GTF2B: variants seen among roughly 807,000 people sequenced by gnomAD.
GTF2B encodes the protein transcription initiation factor IIB.
Under a neutral mutation model 34.6 loss-of-function variants are expected in GTF2B, and 20 were observed. That is an observed-to-expected ratio of 0.58 (90% confidence interval 0.41 to 0.84). GTF2B has a LOEUF of 0.84. Among genes scored for constraint, GTF2B ranks in the 40% least tolerant of loss-of-function variants. The pLI, the probability that GTF2B is intolerant of heterozygous loss-of-function variation, is 0.00. For missense variants in GTF2B, 237 were observed against 393.3 expected (o/e 0.60, Z 3.36); for synonymous variants, 142 against 132.4 (o/e 1.07, Z -0.50).
At chr1:88,876,381 A>T (rs1673816324) in intron 2 of GTF2B, among the ~76,000 whole-genome samples, 1 of 152,208 alleles carries the variant, frequency 6.6e-6, no homozygotes, top group Non-Finnish European at 1.5e-5. Context: ...AAGGTTAAAA[A>T]AAAACAAGGG....
At chr1:88,881,527 C>T (rs997018202) in intron 2 of GTF2B, among the ~76,000 whole-genome samples, 1 of 152,214 alleles carries the variant, frequency 6.6e-6, no homozygotes, top group South Asian at 2.1e-4. Flanking sequence ...ACTTAATTTG[C>T]TTGATGATAG....
intron 5 of GTF2B, among the ~76,000 whole-genome samples, chr1:88,858,096 C>A (rs1468165878): frequency 6.6e-6 from 1 of 151,928 alleles, no homozygotes; most frequent in Non-Finnish European, 1.5e-5. Flanking sequence ...ACCTCTGCCC[C>A]CTGGGTTCAA....
At chr1:88,872,670 A>C (rs1673724698) in intron 2 of GTF2B, among the ~76,000 whole-genome samples, 1 of 152,068 alleles carries the variant, frequency 6.6e-6, no homozygotes, top group Non-Finnish European at 1.5e-5. Context: ...CACAATGGGT[A>C]CCTTGTCTTA....
rs954167351 is a variant in GTF2B at position 88,872,229 on chromosome 1, G to A, written c.125-8115C>T. On this transcript the variant is annotated intron_variant, in intron 2 of 6. Transcript: ENST00000370500. The stretch of plus-strand genomic sequence containing the variant: ...AGCACTTTGGGAGGCCAAGGTGGGC[G>A]GATCACCTGAGGTCAAGAGTTTGAG... 4.0e-5 allele frequency among the ~76,000 whole-genome samples: 6 copies of A among 151,706 alleles called. No homozygotes were observed. The South Asian group carries it at 8.3e-4, about 21-fold the overall frequency.
chr1:88,864,147 G>T, intron 2 of GTF2B, 33 bp from the exon 3 acceptor site: 1 of 1,609,672 alleles, frequency 6.2e-7, no homozygotes, highest in Admixed American at 1.7e-5. Flanking sequence ...GAATCATTTT[G>T]TCAAGATAGG....
intron 3 of GTF2B, among the ~76,000 whole-genome samples, chr1:88,860,718 C>T (rs11807792): frequency 0.13 from 19,675 of 152,022 alleles, 3,156 homozygotes; most frequent in African/African-American, 0.38. Context: ...TCTCCAAAGA[C>T]GCTAAAAAGG....
intron 1 of GTF2B, among the ~76,000 whole-genome samples, chr1:88,888,316 A>C (rs1674122679): frequency 6.6e-6 from 1 of 152,194 alleles, no homozygotes; most frequent in Non-Finnish European, 1.5e-5. Flanking sequence ...TCAACTCAGA[A>C]GGTGATATCT....
chr1:88,874,623 C>T (rs1465124162), intron 2 of GTF2B, among the ~76,000 whole-genome samples: 1 of 150,290 alleles, frequency 6.7e-6, no homozygotes, highest in African/African-American at 2.4e-5. Flanking sequence ...GATTACGGCA[C>T]AAGCCCCTGG....
chr1:88,879,372 AG>A (rs1673882927), intron 2 of GTF2B, among the ~76,000 whole-genome samples: 1 of 151,936 alleles, frequency 6.6e-6, no homozygotes, highest in Admixed American at 6.6e-5. Context: ...TGAGGTTAGG[AG>A]TTCGATACCA....
Position 88,860,208 on chromosome 1 carries a change from C to A in GTF2B, c.337G>T (p.Ala113Ser). 6.2e-7 allele frequency: 1 copy of A among 1,613,676 alleles called. No homozygotes were observed. The highest frequency in any genetic ancestry group is 8.5e-7 in the Non-Finnish European group (1 of 1,179,616). ...ATTTCTTTGAATGCATTCATCATTG[C>A]CCGATCAGAACTGCTCATTGTTCTC... Reference protein sequence around the residue: ...NRRTMSSSDRAMMNAFKEITT... With the variant: ...NRRTMSSSDRSMMNAFKEITT... Residue 113 changes from alanine (A) to serine (S), a missense_variant, in exon 4 of 7, where the codon GCA (alanine) becomes TCA (serine). By Grantham distance (99) the Ala-to-Ser change is moderately conservative. Around this residue, in one of 3 missense-constraint regions of GTF2B, gnomAD observed 130 missense variants for 170.9 expected, o/e 0.76. Transcript: ENST00000370500.
At chr1:88,878,586 C>T (rs1374501024) in intron 2 of GTF2B, among the ~76,000 whole-genome samples, 1 of 152,200 alleles carries the variant, frequency 6.6e-6, no homozygotes, top group Middle Eastern at 3.2e-3. Context: ...AACAATATCT[C>T]CCATCCACAT....
intron 3 of GTF2B, among the ~76,000 whole-genome samples, chr1:88,862,303 G>A (rs1432355664): frequency 6.6e-6 from 1 of 152,154 alleles, no homozygotes; most frequent in Admixed American, 6.6e-5. Context: ...AGCACCTTGG[G>A]AGGCCGAGGT....
chr1:88,868,789 G>T (rs1243961384), intron 2 of GTF2B, among the ~76,000 whole-genome samples: 1 of 151,616 alleles, frequency 6.6e-6, no homozygotes, highest in Non-Finnish European at 1.5e-5. Context: ...AGGCTAGAGT[G>T]CAGTGGCTCA....
intron 3 of GTF2B, among the ~76,000 whole-genome samples, chr1:88,861,586 C>T (rs1198265978): frequency 2.0e-5 from 3 of 152,320 alleles, no homozygotes; most frequent in Admixed American, 6.5e-5. Flanking sequence ...ATCGCTTGAA[C>T]CTGGGAGGCG....
Position 88,891,472 on chromosome 1 carries a change from G to C in GTF2B, c.17+11C>G. 2 of 1,601,598 alleles carry C rather than the reference G, an allele frequency of 1.2e-6. No individual in the cohort carries two copies. Among genetic ancestry groups the C allele is most frequent in the Non-Finnish European group, 1.7e-6 (2 of 1,173,110 alleles). ...CCCCTCAGCTCGCCGGGCTCGGCGG[G>C]ACATACTAACCGGCTGGTAGACGCC... On this transcript the variant is annotated intron_variant, in intron 1 of 6. Coordinates refer to ENST00000370500, the MANE Select transcript of GTF2B (RefSeq NM_001514.6).
At chr1:88,863,631 A>G (rs1673491513) in intron 3 of GTF2B, among the ~76,000 whole-genome samples, 1 of 152,204 alleles carries the variant, frequency 6.6e-6, no homozygotes, top group African/African-American at 2.4e-5. Flanking sequence ...CTGGGATCAC[A>G]GGTGTGAGCC....
chr1:88,853,096 G>T lies in GTF2B; in HGVS notation c.*117C>A. Reference sequence around the variant, plus strand: ...ATGCCAAGCAATAGTATTCAGCCCTGGAATGCGTACCATGTCTTTTGTTTT... The same window carrying T: ...ATGCCAAGCAATAGTATTCAGCCCTTGAATGCGTACCATGTCTTTTGTTTT... On this transcript the variant is annotated 3_prime_UTR_variant, in exon 7 of 7. Transcript: ENST00000370500. The T allele has an allele frequency of 1.2e-6, 1 of 868,222 alleles. No individual in the cohort carries two copies. Among genetic ancestry groups the T allele is most frequent in the Non-Finnish European group, 2.0e-6 (1 of 506,742 alleles). The allele number at this position is 868,222 out of a possible 1,614,324, so 53.8% of individuals were successfully genotyped here.
Position 88,889,003 on chromosome 1 carries a change from C to A in GTF2B, c.18-1636G>T, listed in dbSNP as rs1674134792. Among the ~76,000 whole-genome samples the A allele has an allele frequency of 1.3e-5, 2 of 152,222 alleles. 1 individual carries two copies. Among genetic ancestry groups the A allele is most frequent in the African/African-American group, 4.8e-5 (2 of 41,530 alleles). ...GCTCACTTTGTAACTGAGCTGCCCA[C>A]TTTTAAAATGTGCTAACTTCATTAA... On this transcript the variant is annotated intron_variant, in intron 1 of 6. Transcript: ENST00000370500.
At chr1:88,857,746 A>G (rs1217168708) in intron 5 of GTF2B, among the ~76,000 whole-genome samples, 1 of 127,178 alleles carries the variant, frequency 7.9e-6, no homozygotes, top group East Asian at 2.6e-4. Context: ...TAGTGGCATG[A>G]TCTCAGCTCA....
Sources: allele counts gnomAD v4.1 joint callset (sites outside exome capture counted in the v4.1 genomes callset), GRCh38; gene constraint gnomAD v4.1.1; regional missense constraint gnomAD v4.1.1; transcripts MANE v1.5; gene names NCBI Gene and HGNC (gene_info 2026-07-23, HGNC 2026-07-21).